The following CFAP299 variants were observed in gnomAD, a reference collection of about 807,000 sequenced individuals.
CFAP299 encodes cilia and flagella associated protein 299.
Under a neutral mutation model 27.0 loss-of-function variants are expected in CFAP299, and 21 were observed. That is an observed-to-expected ratio of 0.78 (90% CI 0.55 to 1.12). CFAP299 has a LOEUF of 1.12. Among genes scored for constraint, CFAP299 ranks in the 50% most tolerant of loss-of-function variants. CFAP299 has a pLI of 0.00. For synonymous variants in CFAP299, 104 were observed against 98.1 expected (o/e 1.06, Z -0.36); for missense variants, 310 against 276.6 (o/e 1.12, Z -0.86).
rs181652481 is a variant in CFAP299, at chr4:80,935,267, C to T, written c.477-9543C>T. Among the ~76,000 whole-genome samples the T allele has an allele frequency of 4.1e-3, 616 of 151,958 alleles. 1 individual carries two copies. Among genetic ancestry groups the T allele is most frequent in the Middle Eastern group, 0.014 (4 of 294 alleles). On this transcript the variant is annotated intron_variant, in intron 4 of 5. Coordinates refer to ENST00000358105, the MANE Select transcript of CFAP299 (RefSeq NM_152770.3). ...AATTGCATCTGCTTAAATTCCTAAG[C>T]AAAAAGAACAAAGCTGGAGGCATCA...
chr4:80,711,583 A>T (rs1722176559), intron 3 of CFAP299, among the ~76,000 whole-genome samples: 2 of 152,110 alleles, frequency 1.3e-5, no homozygotes, highest in Admixed American at 6.6e-5. Context: ...GGATGAGGAA[A>T]CTGGGGCTGA....
intron 5 of CFAP299, among the ~76,000 whole-genome samples, chr4:80,958,067 T>G (rs1738155505): frequency 6.6e-6 from 1 of 152,162 alleles, no homozygotes; most frequent in Admixed American, 6.6e-5. Flanking sequence ...GTCGTCCTGC[T>G]GCTAGAAAAC....
chr4:80,540,678 A>T (rs1313345851), intron 2 of CFAP299, among the ~76,000 whole-genome samples: 1 of 152,218 alleles, frequency 6.6e-6, no homozygotes, highest in African/African-American at 2.4e-5. Context: ...ATGGATAGCA[A>T]GTTAAAAAAC....
intron 3 of CFAP299, among the ~76,000 whole-genome samples, chr4:80,862,945 C>CTAAGTTGTA (rs1282133933): frequency 1.3e-5 from 2 of 152,044 alleles, no homozygotes; most frequent in Non-Finnish European, 2.9e-5. Flanking sequence ...ATAGTTGATT[C>CTAAGTTGTA]GCAGAGAACT....
At chr4:80,324,032 A>G in the CFAP299 span, among the ~76,000 whole-genome samples, 14 of 152,144 alleles carry the variant, frequency 9.2e-5, no homozygotes, top group Non-Finnish European at 1.9e-4. Flanking sequence ...GGTTTGTTAC[A>G]TAGGTATACA....
intron 3 of CFAP299, among the ~76,000 whole-genome samples, chr4:80,741,649 G>GTAGTATA (rs1180456251): frequency 1.3e-5 from 2 of 152,134 alleles, no homozygotes; most frequent in Admixed American, 1.3e-4. Flanking sequence ...ACTGCCTTGG[G>GTAGTATA]TTGGGGGGAG....
At chr4:80,767,921 T>A (rs1018488371) in intron 3 of CFAP299, among the ~76,000 whole-genome samples, 4 of 152,230 alleles carry the variant, frequency 2.6e-5, no homozygotes, top group African/African-American at 4.8e-5. Context: ...GTTATATCCA[T>A]TTAATTGCCC....
chr4:80,692,760 A>G (rs1000907244), intron 3 of CFAP299, among the ~76,000 whole-genome samples: 49 of 152,314 alleles, frequency 3.2e-4, no homozygotes, highest in African/African-American at 1.2e-3. Context: ...TGAACAGGCA[A>G]CCAACAAAAT....
upstream of CFAP299, among the ~76,000 whole-genome samples, chr4:80,331,995 A>G (rs1224277771): frequency 1.3e-5 from 2 of 152,190 alleles, no homozygotes; most frequent in African/African-American, 4.8e-5. Flanking sequence ...GCTAATGGAA[A>G]ACCAACGAAC....
At chr4:80,436,168 T>G (rs763881586) in intron 2 of CFAP299, among the ~76,000 whole-genome samples, 5 of 152,240 alleles carry the variant, frequency 3.3e-5, no homozygotes, top group Admixed American at 6.5e-5. Context: ...ATGTAGCACC[T>G]GATTTTTAGT....
At chr4:80,338,077 G>A (rs890794690) in intron 1 of CFAP299, among the ~76,000 whole-genome samples, 17 of 152,074 alleles carry the variant, frequency 1.1e-4, no homozygotes, top group African/African-American at 3.9e-4. Flanking sequence ...TAAGTGAGCT[G>A]ATACTTGTGC....
chr4:80,458,219 C>A (rs1020738166), intron 2 of CFAP299, among the ~76,000 whole-genome samples: 4 of 152,202 alleles, frequency 2.6e-5, no homozygotes, highest in Admixed American at 2.6e-4. Flanking sequence ...CATGAATATA[C>A]ATTTAAAACA....
intron 4 of CFAP299, among the ~76,000 whole-genome samples, chr4:80,896,776 A>C (rs1206603449): frequency 6.6e-6 from 1 of 152,150 alleles, no homozygotes; most frequent in African/African-American, 2.4e-5. Context: ...TATTTCACCT[A>C]GTGCTTATAA....
intron 2 of CFAP299, among the ~76,000 whole-genome samples, chr4:80,374,260 G>C (rs1724293011): frequency 1.3e-5 from 2 of 152,122 alleles, no homozygotes; most frequent in African/African-American, 4.8e-5. Context: ...CTCTAGTCTT[G>C]TTGGTACAAG....
At chr4:80,801,315 G>A (rs574722406) in intron 3 of CFAP299, among the ~76,000 whole-genome samples, 7 of 151,944 alleles carry the variant, frequency 4.6e-5, no homozygotes, top group Admixed American at 4.6e-4. Context: ...TCCCAAGAAA[G>A]CATTATGGAA....
chr4:80,657,828 C>T (rs1399354696), intron 3 of CFAP299, among the ~76,000 whole-genome samples: 3 of 152,090 alleles, frequency 2.0e-5, no homozygotes, highest in Non-Finnish European at 2.9e-5. Context: ...GCAGGATGGC[C>T]ATTTTCATGA....
At chr4:80,697,048 T>G (rs1427440283) in intron 3 of CFAP299, among the ~76,000 whole-genome samples, 1 of 152,202 alleles carries the variant, frequency 6.6e-6, no homozygotes, top group Admixed American at 6.5e-5. Context: ...TAGTCATTTC[T>G]TAAGAGTTAT....
chr4:80,812,104 A>G (rs1042083198), intron 3 of CFAP299, among the ~76,000 whole-genome samples: 33 of 152,114 alleles, frequency 2.2e-4, no homozygotes, highest in African/African-American at 7.7e-4. Context: ...ATTAGTATTC[A>G]TATATTCTAA....
chr4:80,505,083 A>AT (rs1229508219), intron 2 of CFAP299, among the ~76,000 whole-genome samples: 1 of 150,144 alleles, frequency 6.7e-6, no homozygotes, highest in African/African-American at 2.4e-5. Context: ...TATGACAGAT[A>AT]TAACAGATAT....
Sources: allele counts gnomAD v4.1 joint callset (sites outside exome capture counted in the v4.1 genomes callset), GRCh38; gene constraint gnomAD v4.1.1; transcripts MANE v1.5; gene names NCBI Gene and HGNC (gene_info 2026-07-23, HGNC 2026-07-21).